THADA: variants seen among roughly 807,000 people sequenced by gnomAD.
The protein encoded by THADA is THADA armadillo repeat containing.
In THADA, 213 loss-of-function variants were observed where a neutral mutation model predicts 219.8. The observed-to-expected ratio is 0.97, with a 90% confidence interval of 0.87 to 1.09. THADA has a LOEUF of 1.09. THADA is among the 50% of genes least tolerant of loss of function. The probability of loss-of-function intolerance (pLI) is 0.00; values close to 1 mark genes in which losing one functional copy is unlikely to be tolerated. For missense variants in THADA, 2,956 were observed against 2,311.3 expected (o/e 1.28, Z -5.72); for synonymous variants, 1,018 against 828.9 (o/e 1.23, Z -3.92).
chr2:43,353,365 T>C (rs1402483218), intron 29 of THADA, among the ~76,000 whole-genome samples: 1 of 152,206 alleles, frequency 6.6e-6, no homozygotes, highest in Non-Finnish European at 1.5e-5. Context: ...ATAACAGCTA[T>C]CCTAAGAGGA....
intron 26 of THADA, among the ~76,000 whole-genome samples, chr2:43,483,663 T>C (rs745493324): frequency 2.6e-5 from 4 of 151,950 alleles, no homozygotes; most frequent in African/African-American, 4.8e-5. Context: ...AAATTAAAAT[T>C]GTATAGTATC....
Position 43,541,141 on chromosome 2 carries a change from A to T in THADA, c.3264+18T>A, listed in dbSNP as rs1350302815. 6.6e-7 allele frequency: 1 copy of T among 1,510,844 alleles called. No individual in the cohort carries two copies. Among genetic ancestry groups the T allele is most frequent in the East Asian group, 2.5e-5 (1 of 40,522 alleles). The allele number at this position is 1,510,844 out of a possible 1,614,324, so 93.6% of individuals were successfully genotyped here. A position where few individuals can be genotyped will look rare whatever the true frequency, so the allele number is the denominator to read the frequency against. On this transcript the variant is annotated intron_variant, in intron 21 of 37. Transcript: ENST00000405975. The stretch of plus-strand genomic sequence containing the variant: ...GTTGACCAGAAATTATACATGGTGG[A>T]ATAAACATGTGCCTTACCTGCTCCA...
At position 43,498,841 on chromosome 2, in the gene THADA, C is replaced by G; in HGVS notation, c.3736G>C (p.Val1246Leu). ...KAAILGFTSPVWAVRNSSTLL... is the reference protein window; with the variant it reads ...KAAILGFTSPLWAVRNSSTLL... ...ATAGTGACAGCACTTACTGCCCAGA[C>G]CGGTGATGTAAAACCCAGAATTGCA... is the stretch of plus-strand genomic sequence containing the variant. Residue 1246 changes from valine to leucine, a missense_variant, in exon 25 of 38, where the codon GTC (valine) becomes CTC (leucine). By Grantham distance (32) the Val-to-Leu change is conservative. Coordinates refer to ENST00000405975, the MANE Select transcript of THADA (RefSeq NM_022065.5). 2 of 1,613,020 alleles carry G rather than the reference C, an allele frequency of 1.2e-6. No homozygotes were observed. Among genetic ancestry groups the G allele is most frequent in the Middle Eastern group, 1.7e-4 (1 of 6,052 alleles).
chr2:43,566,732 T>G lies in THADA; in HGVS notation c.2277A>C (p.Leu759Phe). ...CATGAAAAACTTCAGCTATTGAACC[T>G]AAAATGGTTAAAGCTGAAAATCTAG... ...YSTRFSALTI[L>F]GSIAEVFHVP... is the part of the protein sequence containing the mutation. Residue 759 changes from leucine (L) to phenylalanine (F), a missense_variant, in exon 15 of 38, where the codon TTA (leucine) becomes TTC (phenylalanine). Leu to Phe is a conservative substitution (Grantham distance 22, BLOSUM62 0). Transcript: ENST00000405975. 1 of 1,598,288 alleles carries G rather than the reference T, an allele frequency of 6.3e-7. No individual in the cohort carries two copies. The highest frequency in any genetic ancestry group is 8.5e-7 in the Non-Finnish European group (1 of 1,175,282).
At chr2:43,555,279 G>C (rs1348838528) in intron 17 of THADA, among the ~76,000 whole-genome samples, 1 of 151,358 alleles carries the variant, frequency 6.6e-6, no homozygotes, top group Non-Finnish European at 1.5e-5. Flanking sequence ...AATACAGCCA[G>C]GATAAAGGAA....
chr2:43,331,385 A>T (rs890815277), intron 30 of THADA, among the ~76,000 whole-genome samples: 1 of 152,236 alleles, frequency 6.6e-6, no homozygotes, highest in Non-Finnish European at 1.5e-5. Context: ...GAGAGACTAG[A>T]AACTCTGATG....
At chr2:43,253,168 G>A (rs996921740) in intron 36 of THADA, among the ~76,000 whole-genome samples, 1 of 152,182 alleles carries the variant, frequency 6.6e-6, no homozygotes, top group Non-Finnish European at 1.5e-5. Context: ...GGGGAGTGAT[G>A]TAAATATTTG....
chr2:43,232,324 A>G (rs1333327166), intron 37 of THADA, among the ~76,000 whole-genome samples: 17 of 151,778 alleles, frequency 1.1e-4, no homozygotes, highest in Non-Finnish European at 2.1e-4. Context: ...GACTACAGGC[A>G]CCCACCACCA....
At chr2:43,547,551 G>C (rs545240080) in intron 20 of THADA, among the ~76,000 whole-genome samples, 44 of 152,282 alleles carry the variant, frequency 2.9e-4, no homozygotes, top group African/African-American at 1.0e-3. Flanking sequence ...ATTTCTTGGA[G>C]GCTTTGTTCA....
chr2:43,535,446 C>T (rs949222887), intron 21 of THADA, among the ~76,000 whole-genome samples: 8 of 151,148 alleles, frequency 5.3e-5, no homozygotes, highest in African/African-American at 7.3e-5. Flanking sequence ...TGGGAGTCCA[C>T]GTCGGGCAGA....
At chr2:43,568,925 C>T (rs1317398916) in intron 14 of THADA, among the ~76,000 whole-genome samples, 1 of 152,132 alleles carries the variant, frequency 6.6e-6, no homozygotes. Context: ...ATCCTACACA[C>T]ACACTGGGGG....
At chr2:43,313,715 C>A (rs1677764641) in intron 31 of THADA, among the ~76,000 whole-genome samples, 1 of 152,220 alleles carries the variant, frequency 6.6e-6, no homozygotes, top group South Asian at 2.1e-4. Context: ...GTGGAAGCTC[C>A]TGAAAAGGGG....
chr2:43,284,808 T>C (rs575489412), intron 35 of THADA, among the ~76,000 whole-genome samples: 17 of 152,188 alleles, frequency 1.1e-4, no homozygotes, highest in Non-Finnish European at 2.4e-4. Flanking sequence ...GGCTGTACCC[T>C]GTAAAGCCAC....
At chr2:43,233,560 A>G (rs1667687490) in intron 36 of THADA, among the ~76,000 whole-genome samples, 2 of 152,136 alleles carry the variant, frequency 1.3e-5, no homozygotes, top group African/African-American at 4.8e-5. Flanking sequence ...GGTAGGCTGC[A>G]TTTGGCTCCT....
At chr2:43,264,508 C>T (rs778158707) in intron 36 of THADA, among the ~76,000 whole-genome samples, 1 of 152,140 alleles carries the variant, frequency 6.6e-6, no homozygotes, top group Non-Finnish European at 1.5e-5. Flanking sequence ...TGGTCTCGAA[C>T]TCCTGACCTC....
At chr2:43,500,782 G>C (rs1176789963) in intron 24 of THADA, among the ~76,000 whole-genome samples, 2 of 152,076 alleles carry the variant, frequency 1.3e-5, no homozygotes, top group Non-Finnish European at 2.9e-5. Context: ...AACAAACTTA[G>C]CATTATTTGT....
intron 36 of THADA, among the ~76,000 whole-genome samples, chr2:43,251,314 A>C (rs558859189): frequency 9.9e-5 from 15 of 152,276 alleles, no homozygotes; most frequent in African/African-American, 3.4e-4. Context: ...AGTCTGTTTT[A>C]TAGTTGTGCT....
intron 29 of THADA, among the ~76,000 whole-genome samples, chr2:43,348,538 T>C (rs1023141688): frequency 2.6e-5 from 4 of 152,150 alleles, no homozygotes; most frequent in African/African-American, 9.7e-5. Context: ...CTGGCACGGG[T>C]AGGATTCTGA....
chr2:43,275,265 A>C (rs1353950592), intron 36 of THADA, among the ~76,000 whole-genome samples: 9 of 152,118 alleles, frequency 5.9e-5, no homozygotes, highest in Admixed American at 4.6e-4. Flanking sequence ...TCAGCCTCCC[A>C]AAGTGCTGGG....
Sources: allele counts gnomAD v4.1 joint callset (sites outside exome capture counted in the v4.1 genomes callset), GRCh38; gene constraint gnomAD v4.1.1; transcripts MANE v1.5; gene names NCBI Gene and HGNC (gene_info 2026-07-23, HGNC 2026-07-21).